FOXN4: variants seen among roughly 807,000 people sequenced by gnomAD.
FOXN4 encodes the protein forkhead box protein N4.
In FOXN4, 12 loss-of-function variants were observed where a neutral mutation model predicts 45.0. The observed-to-expected ratio is 0.27, with a 90% CI of 0.17 to 0.43. The LOEUF (loss-of-function observed/expected upper bound fraction) is 0.43. FOXN4 is among the 20% of genes least tolerant of loss of function. The probability of loss-of-function intolerance (pLI) is 1.00; values close to 1 mark genes in which losing one functional copy is unlikely to be tolerated. For missense variants in FOXN4, 560 were observed against 694.9 expected (o/e 0.81, Z 2.18); for synonymous variants, 297 against 295.0 (o/e 1.01, Z -0.07).
chr12:109,297,225 A>G (rs2047825923), intron 2 of FOXN4, among the ~76,000 whole-genome samples: 1 of 152,242 alleles, frequency 6.6e-6, no homozygotes, highest in African/African-American at 2.4e-5. Context: ...CAGGTGCCTG[A>G]GCTCCACCTC....
intron 9 of FOXN4, 134 bp from the exon 10 acceptor site, chr12:109,280,064 C>T (rs796291817): frequency 4.5e-5 from 58 of 1,286,254 alleles, no homozygotes; most frequent in South Asian, 8.6e-5. Flanking sequence ...GGCATGGGGC[C>T]GGGCCTGGTG....
At chr12:109,297,786 T>G (rs191801364) in intron 2 of FOXN4, among the ~76,000 whole-genome samples, 4 of 152,184 alleles carry the variant, frequency 2.6e-5, no homozygotes, top group African/African-American at 9.7e-5. Flanking sequence ...CTCTATGATA[T>G]CTAGAAAATC....
At chr12:109,307,548 G>A (rs956767290) in intron 2 of FOXN4, among the ~76,000 whole-genome samples, 2 of 152,078 alleles carry the variant, frequency 1.3e-5, no homozygotes, top group Non-Finnish European at 2.9e-5. Flanking sequence ...GCGCAGACTG[G>A]TTGACCTCCT....
intron 7 of FOXN4, among the ~76,000 whole-genome samples, chr12:109,285,867 CTTTT>C (rs10685255): frequency 1.4e-5 from 2 of 140,772 alleles, no homozygotes; most frequent in African/African-American, 2.6e-5. Flanking sequence ...TGCAAATTTA[CTTTT>C]TTTTTTTTTT....
chr12:109,284,897 G>T (rs1332118378), intron 8 of FOXN4, among the ~76,000 whole-genome samples: 3 of 133,216 alleles, frequency 2.3e-5, no homozygotes, highest in Admixed American at 1.5e-4. Flanking sequence ...TGTGTGTATT[G>T]GTCTGTGTGT....
At chr12:109,294,020 C>T (rs1023797607) in intron 2 of FOXN4, among the ~76,000 whole-genome samples, 56 of 152,304 alleles carry the variant, frequency 3.7e-4, no homozygotes, top group African/African-American at 1.3e-3. Flanking sequence ...AACTCGAACC[C>T]GGGTCTGTCT....
rs538424877 is a variant in FOXN4 at position 109,291,853 on chromosome 12, G to A, written c.87-1567C>T. On this transcript the variant is annotated intron_variant, in intron 2 of 9. Transcript: ENST00000299162. The surrounding 1 kb of genome is among the most constrained non-coding windows in gnomAD (Gnocchi z 6.6). ...CCCGGCATCCCATTGTGTGACAAAC[G>A]ACTGTTGCCCCTGTGGCACGTGGCC... is the stretch of plus-strand genomic sequence containing the variant. Among the ~76,000 whole-genome samples, 9 of 152,236 alleles carry A rather than the reference G, an allele frequency of 5.9e-5. No homozygotes were observed. Among genetic ancestry groups the A allele is most frequent in the Admixed American group, 2.0e-4 (3 of 15,308 alleles).
intron 7 of FOXN4, 80 bp from the exon 8 acceptor site, chr12:109,285,591 G>A: frequency 1.4e-6 from 2 of 1,460,792 alleles, no homozygotes; most frequent in South Asian, 1.2e-5. Flanking sequence ...CAGGCCTATA[G>A]GGGCAGGACA....
chr12:109,280,109 G>A (rs779259523), intron 9 of FOXN4, among the ~76,000 whole-genome samples, 179 bp from the exon 10 acceptor site: 6 of 152,142 alleles, frequency 3.9e-5, no homozygotes, highest in Non-Finnish European at 8.8e-5. Context: ...TTGGGAGGCC[G>A]AGGTGGGTGG....
intron 9 of FOXN4, among the ~76,000 whole-genome samples, chr12:109,280,696 G>T (rs752502005): frequency 6.6e-6 from 1 of 152,150 alleles, no homozygotes; most frequent in African/African-American, 2.4e-5. Context: ...CATTTCCCTC[G>T]CTAGAGACAG....
chr12:109,281,868 T>A, intron 8 of FOXN4, 69 bp from the exon 9 acceptor site: 3 of 1,482,600 alleles, frequency 2.0e-6, no homozygotes. Flanking sequence ...CAGGCCTGGG[T>A]TCAAATTCCA....
Position 109,288,362 on chromosome 12 carries a change from G to A in FOXN4, c.233-182C>T, listed in dbSNP as rs992631687. Among the ~76,000 whole-genome samples the A allele has an allele frequency of 6.6e-6, 1 of 152,164 alleles. No homozygotes were observed. The highest frequency in any genetic ancestry group is 2.4e-5 in the African/African-American group (1 of 41,426). On this transcript the variant is annotated intron_variant, in intron 3 of 9. Transcript: ENST00000299162. The surrounding 1 kb of genome is among the most constrained non-coding windows in gnomAD (Gnocchi z 4.3). ...AGTGAAAAGTAGGTTCTTACCAGCT[G>A]TATAACCTTAGGTCAGCCTCAGTTT...
Position 109,290,269 on chromosome 12 carries a change from C to T in FOXN4, c.104G>A (p.Ser35Asn). The change falls in exon 3 of 10, where the codon AGC becomes AAC. Residue 35 changes from serine to asparagine, a missense_variant. Coordinates refer to ENST00000299162, the MANE Select transcript of FOXN4 (RefSeq NM_213596.3). This position sits in a 1 kb window ranked among gnomAD's most constrained non-coding sequence, Gnocchi z 5.1. ...CAGGTCCCCGGGAAGGTCATCATCG[C>T]TGGTGGTGGCTAGAAGCCTGCAAAG... ...PQEYRLLATT[S>N]DDDLPGDLQS... 1.9e-6 allele frequency: 3 copies of T among 1,549,752 alleles called. No individual in the cohort carries two copies. Among genetic ancestry groups the T allele is most frequent in the Middle Eastern group, 3.3e-4 (2 of 5,982 alleles).
intron 8 of FOXN4, among the ~76,000 whole-genome samples, chr12:109,284,559 G>A (rs977006373): frequency 4.3e-5 from 6 of 140,302 alleles, no homozygotes; most frequent in African/African-American, 1.6e-4. Context: ...GTGTGCGCAC[G>A]TGTGTGTGCG....
intron 2 of FOXN4, among the ~76,000 whole-genome samples, chr12:109,302,222 C>T (rs2047875071): frequency 6.6e-6 from 1 of 152,228 alleles, no homozygotes; most frequent in East Asian, 1.9e-4. Context: ...CCAATGTGAA[C>T]TGGACCCCCA....
intron 8 of FOXN4, 134 bp downstream of exon 8, chr12:109,285,170 G>A: frequency 9.7e-7 from 1 of 1,026,480 alleles, no homozygotes; most frequent in South Asian, 1.5e-5. Flanking sequence ...ATTTGTGTGT[G>A]TGCGCGTGCG....
chr12:109,293,663 A>G (rs77490879), intron 2 of FOXN4, among the ~76,000 whole-genome samples: 25,518 of 152,096 alleles, frequency 0.17, 2,290 homozygotes, highest in Middle Eastern at 0.21. Context: ...ACGCTGGGCT[A>G]ATTTTTGTAT....
chr12:109,296,089 C>T (rs2047813891), intron 2 of FOXN4, among the ~76,000 whole-genome samples: 1 of 152,226 alleles, frequency 6.6e-6, no homozygotes, highest in Non-Finnish European at 1.5e-5. Context: ...CCCGATCTCC[C>T]ATGGACCTGT....
In FOXN4 at chr12:109,290,420, T is replaced by A; in HGVS notation, c.87-134A>T. On this transcript the variant is annotated intron_variant, in intron 2 of 9. Transcript: ENST00000299162. This position sits in a 1 kb window ranked among gnomAD's most constrained non-coding sequence, Gnocchi z 5.1. ...CCACGCCAGCCCTCCAACCTGCCCGTCCCCAGGACTGGACACGGGAACCTG... is the reference window on the plus strand; with the variant it reads ...CCACGCCAGCCCTCCAACCTGCCCGACCCCAGGACTGGACACGGGAACCTG... The A allele has an allele frequency of 9.1e-7, 1 of 1,093,034 alleles. No individual in the cohort carries two copies. The highest frequency in any genetic ancestry group is 1.3e-6 in the Non-Finnish European group (1 of 785,062). The allele number at this position is 1,093,034 out of a possible 1,614,324, so 67.7% of individuals were successfully genotyped here.
Sources: allele counts gnomAD v4.1 joint callset (sites outside exome capture counted in the v4.1 genomes callset), GRCh38; gene constraint gnomAD v4.1.1; non-coding constraint Gnocchi (gnomAD v3.1); transcripts MANE v1.5; gene names NCBI Gene and HGNC (gene_info 2026-07-23, HGNC 2026-07-21).